Variants in JAG2 observed in about 807,000 individuals in gnomAD.
JAG2 encodes the protein protein jagged-2.
A neutral mutation model predicts 141.7 loss-of-function variants in JAG2; 46 were observed. The ratio of observed to expected loss-of-function variants is 0.32; its 90% CI spans 0.26 to 0.42. JAG2 has a LOEUF of 0.42. Among genes scored for constraint, JAG2 ranks in the 10% least tolerant of loss-of-function variants. The probability of loss-of-function intolerance (pLI) is 1.00; values close to 1 mark genes in which losing one functional copy is unlikely to be tolerated. For missense variants in JAG2, 1,500 were observed against 1,817.5 expected (o/e 0.83, Z 3.18); for synonymous variants, 862 against 763.5 (o/e 1.13, Z -2.13).
In JAG2 at chr14:105,157,618, C is replaced by G. The variant is rs1888618927; in HGVS notation, c.475+88G>C. 8 of 1,246,968 alleles carry G rather than the reference C, an allele frequency of 6.4e-6. 1 individual carries two copies. 77.2% of individuals were successfully genotyped at this position (1,246,968 alleles called of 1,614,324 possible). On this transcript the variant is annotated intron_variant, in intron 3 of 25. Transcript: ENST00000331782. ...ACATGATCCTCAGGGTAAAGCAAGG[C>G]TTTGTCCCAAGCAGACAGAGGAGCT...
At chr14:105,153,959 C>T (rs1049907205) in intron 5 of JAG2, among the ~76,000 whole-genome samples, 2 of 152,212 alleles carry the variant, frequency 1.3e-5, no homozygotes, top group Non-Finnish European at 1.5e-5. Flanking sequence ...CACCTTGTTG[C>T]ACTTTCTGAG....
rs1180563716 is a variant in JAG2 at position 105,148,788 on chromosome 14, G to T, written c.1977C>A (p.Arg659=). The stretch of plus-strand genomic sequence containing the variant: ...CCTCCCAGCCGCTGGGGCAGAAGCA[G>T]CGGAAGGCGTCCACCTCATCGATGC... The part of the protein sequence containing the change: ...GTCIDEVDAF[R]CFCPSGWEGE... Residue 659 remains arginine, a synonymous_variant, in exon 15 of 26, where the codon CGC becomes CGA. Transcript: ENST00000331782. The T allele has an allele frequency of 2.5e-6, 4 of 1,593,882 alleles. No homozygotes were observed. The African/African-American group carries it at 5.4e-5, about 21-fold the overall frequency.
At chr14:105,158,620 G>A (rs587760341) in intron 2 of JAG2, among the ~76,000 whole-genome samples, 9 of 152,096 alleles carry the variant, frequency 5.9e-5, no homozygotes, top group South Asian at 2.1e-4. Flanking sequence ...TGGGACCCCC[G>A]GGACATGCCC....
rs776599225 is a variant in JAG2 at position 105,141,144 on chromosome 14, C to G, written c.*1551G>C. On this transcript the variant is annotated 3_prime_UTR_variant, in exon 26 of 26. Coordinates refer to ENST00000331782, the MANE Select transcript of JAG2 (RefSeq NM_002226.5). ...TCAGTTGACCTCCTACCCCTCACAG[C>G]AGGGTAAAGACTTGCACATCACTGA... 6.6e-6 allele frequency: 1 copy of G among 152,170 alleles called. No individual in the cohort carries two copies. 9.4% of individuals were successfully genotyped at this position (152,170 alleles called of 1,614,324 possible).
In JAG2 at chr14:105,142,592, A is replaced by T; in HGVS notation, c.*103T>A. 1.2e-6 allele frequency: 1 copy of T among 827,498 alleles called. No individual in the cohort carries two copies. The highest frequency in any genetic ancestry group is 1.9e-6 in the Non-Finnish European group (1 of 534,772). The allele number at this position is 827,498 out of a possible 1,614,324, so 51.3% of individuals were successfully genotyped here. A position where few individuals can be genotyped will look rare whatever the true frequency, so the allele number is the denominator to read the frequency against. ...GGTTTTTGTTTTTGGTGGTTTTTTT[A>T]CACAAAATAAAGAAACTATGCACAT... On this transcript the variant is annotated 3_prime_UTR_variant, in exon 26 of 26. Coordinates refer to ENST00000331782, the MANE Select transcript of JAG2 (RefSeq NM_002226.5).
rs370872824 is a variant in JAG2 at position 105,160,526 on chromosome 14, G to A, written c.418-2763C>T. Reference sequence around the variant, plus strand: ...CCAAGGACGGCAACCTATAGCCAGCGGGGCTCGGGGAAAGCAACAGGGGGC... The same window carrying A: ...CCAAGGACGGCAACCTATAGCCAGCAGGGCTCGGGGAAAGCAACAGGGGGC... On this transcript the variant is annotated intron_variant, in intron 2 of 25. Transcript: ENST00000331782. Among the ~76,000 whole-genome samples, 53 of 151,836 alleles carry A rather than the reference G, an allele frequency of 3.5e-4. No individual in the cohort carries two copies. In the East Asian group the frequency reaches 5.9e-3, roughly 17 times the overall value.
chr14:105,168,320 TCCGCGAC>T, intron 1 of JAG2, 28 bp downstream of exon 1: 2 of 621,186 alleles, frequency 3.2e-6, no homozygotes, highest in Non-Finnish European at 4.1e-6. Context: ...GTGTGCCCCG[TCCGCGAC>T]CCCCGCCGCC....
chr14:105,149,779 C>T (rs1293477100), intron 12 of JAG2, among the ~76,000 whole-genome samples: 6 of 120,562 alleles, frequency 5.0e-5, no homozygotes, highest in Admixed American at 3.3e-4. Context: ...AGGGCAGGAT[C>T]GTGGGCGGCC....
chr14:105,149,504 G>A (rs897169477), intron 12 of JAG2, among the ~76,000 whole-genome samples, 184 bp from the exon 13 acceptor site: 5 of 151,984 alleles, frequency 3.3e-5, no homozygotes, highest in African/African-American at 4.8e-5. Flanking sequence ...TTAGCTGAAC[G>A]CAGATACCTG....
chr14:105,143,597 G>T lies in JAG2; in HGVS notation c.3126C>A (p.Ile1042=), dbSNP rs757869243. ...PARDLPDSSL[I]QGAAHAIVAA... ...CCACGATGGCGTGGGCCGCGCCCTG[G>T]ATCAGGCTGCTGTCAGGCAGGTCCC... Residue 1042 remains isoleucine (I), a synonymous_variant, in exon 25 of 26, where the codon ATC becomes ATA. Coordinates refer to ENST00000331782, the MANE Select transcript of JAG2 (RefSeq NM_002226.5). The T allele has an allele frequency of 6.2e-7, 1 of 1,608,262 alleles. No individual in the cohort carries two copies. The highest frequency in any genetic ancestry group is 1.1e-5 in the South Asian group (1 of 90,420).
In JAG2 at chr14:105,150,977, C is replaced by T. The variant is rs770266575; in HGVS notation, c.1381+14G>A. ...GCCTCGGCCCACCCGCCGGCGCCCACCCCCCATACTGACTGATATGGCAGT... is the reference window on the plus strand; with the variant it reads ...GCCTCGGCCCACCCGCCGGCGCCCATCCCCCATACTGACTGATATGGCAGT... On this transcript the variant is annotated intron_variant, in intron 10 of 25. Transcript: ENST00000331782. 6.8e-6 allele frequency: 11 copies of T among 1,609,114 alleles called. No homozygotes were observed. Among genetic ancestry groups the T allele is most frequent in the Middle Eastern group, 1.6e-4 (1 of 6,084 alleles).
In JAG2 at chr14:105,151,375, T is replaced by C. The variant is rs924643940; in HGVS notation, c.1175A>G (p.Asn392Ser). 18 of 1,611,462 alleles carry C rather than the reference T, an allele frequency of 1.1e-5. No homozygotes were observed. In the African/African-American group the frequency reaches 2.3e-4, roughly 20 times the overall value. Reference sequence around the variant, plus strand: ...ACAGGTGCCACCGGCCGCACACGGGTTCGAAGCACACTCATCGATGTCTGC... The same window carrying C: ...ACAGGTGCCACCGGCCGCACACGGGCTCGAAGCACACTCATCGATGTCTGC... The part of the protein sequence containing the change: ...CALDIDECAS[N>S]PCAAGGTCVD... The change falls in exon 9 of 26, where the codon AAC (asparagine) becomes AGC (serine). Residue 392 changes from asparagine (N) to serine (S), a missense_variant. Physicochemically the swap from Asn to Ser is conservative, Grantham distance 46. Transcript: ENST00000331782.
At position 105,148,963 on chromosome 14, in the gene JAG2, C is replaced by T; in HGVS notation, c.1880G>A (p.Gly627Asp). ...CTCATGGCAGTAGGTGCCAGTAAAG[C>T]CACTGTCACAGATGCAGGAAAAGTT... ...GGNFSCICDS[G>D]FTGTYCHENI... Residue 627 changes from glycine (G) to aspartate (D), a missense_variant, in exon 14 of 26, where the codon GGC becomes GAC. By Grantham distance (94) the Gly-to-Asp change is moderately conservative (BLOSUM62 -1). Transcript: ENST00000331782. The T allele has an allele frequency of 6.2e-7, 1 of 1,607,332 alleles. No individual in the cohort carries two copies. The highest frequency in any genetic ancestry group is 8.5e-7 in the Non-Finnish European group (1 of 1,177,586).
Position 105,147,491 on chromosome 14 carries a change from G to A in JAG2, c.2393+9C>T, listed in dbSNP as rs770460503. ...CCACCCCTGCTGTGGCCCCCAGGGT[G>A]CCACTCACCAAGGCAGAGGGTTGCA... On this transcript the variant is annotated intron_variant, in intron 19 of 25. Transcript: ENST00000331782. The A allele has an allele frequency of 9.3e-6, 15 of 1,611,582 alleles. No homozygotes were observed. The Admixed American group carries it at 1.3e-4, about 14-fold the overall frequency.
At position 105,167,976 on chromosome 14, in the gene JAG2, CTCG is replaced by C; in HGVS notation, c.195_197del (p.Asp65del). The C allele has an allele frequency of 1.2e-6, 2 of 1,603,654 alleles. No homozygotes were observed. The highest frequency in any genetic ancestry group is 4.5e-5 in the East Asian group (2 of 44,544). ...GGCACACGCGCACGTACGTGTCGCA[CTCG>C]TCGTGGCCGCAGCCCCCCGCGCGCG... On this transcript the variant is annotated inframe_deletion, in exon 2 of 26. Transcript: ENST00000331782. The surrounding 1 kb of genome is among the most constrained non-coding windows in gnomAD (Gnocchi z 4.8).
At chr14:105,146,305 G>A (rs1888221066) in intron 22 of JAG2, 80 bp downstream of exon 22, 2 of 1,259,938 alleles carry the variant, frequency 1.6e-6, no homozygotes, top group Non-Finnish European at 1.2e-6. Context: ...CCCAGCACCC[G>A]CCTCCTGATC....
chr14:105,149,341 G>A lies in JAG2; in HGVS notation c.1603-21C>T, dbSNP rs375265020. 125 of 1,612,492 alleles carry A rather than the reference G, an allele frequency of 7.8e-5. No homozygotes were observed. The African/African-American group carries it at 1.5e-3, about 19-fold the overall frequency. On this transcript the variant is annotated intron_variant, in intron 12 of 25. Coordinates refer to ENST00000331782, the MANE Select transcript of JAG2 (RefSeq NM_002226.5). ...TCCACCTGCAGGGTGGGGGGTGCCT[G>A]TGAGAGCCTAGGCCCAGGCCCAGGC...
intron 2 of JAG2, among the ~76,000 whole-genome samples, chr14:105,163,793 A>T (rs1888829972): frequency 6.7e-6 from 1 of 149,748 alleles, no homozygotes; most frequent in Non-Finnish European, 1.5e-5. Context: ...GGGCCTGAGG[A>T]TAGGGGCCCC....
rs1476682844 is a variant in JAG2, at chr14:105,143,086, C to A, written c.3326G>T (p.Arg1109Leu). 3 of 1,600,358 alleles carry A rather than the reference C, an allele frequency of 1.9e-6. No individual in the cohort carries two copies. Among genetic ancestry groups the A allele is most frequent in the Non-Finnish European group, 2.5e-6 (3 of 1,179,634 alleles). Reference sequence around the variant, plus strand: ...CCGGCTCCTCTCCCGCTCTTTCCTGCGCTTGCGTGTCCACCACACGCACAG... The same window carrying A: ...CCGGCTCCTCTCCCGCTCTTTCCTGAGCTTGCGTGTCCACCACACGCACAG... ...VVLCVWWTRK[R>L]RKERERSRLP... The change falls in exon 26 of 26, where the codon CGC (arginine) becomes CTC (leucine). Residue 1109 changes from arginine (R) to leucine (L), a missense_variant. Coordinates refer to ENST00000331782, the MANE Select transcript of JAG2 (RefSeq NM_002226.5).
Sources: gnomAD v4.1 joint callset for allele counts (sites outside exome capture counted in the v4.1 genomes callset) on GRCh38, gnomAD v4.1.1 for gene constraint, Gnocchi (gnomAD v3.1) non-coding constraint, MANE v1.5 for transcripts, NCBI Gene and HGNC (gene_info 2026-07-23, HGNC 2026-07-21) for gene names.